Variants in STK3 observed in about 807,000 individuals in gnomAD.
STK3 encodes the protein serine/threonine-protein kinase 3.
STK3 carries 41 observed loss-of-function variants against 58.0 expected under a neutral mutation model. That is an observed-to-expected ratio of 0.71 (90% CI 0.55 to 0.92). The LOEUF (loss-of-function observed/expected upper bound fraction) is 0.92, where lower values mean the gene tolerates loss of function less well. STK3 is among the 40% of genes least tolerant of loss of function. STK3 has a pLI of 0.00. For synonymous variants in STK3, 170 were observed against 191.0 expected, an observed-to-expected ratio of 0.89 and a Z score of 0.91; for missense variants, 479 against 602.7, an observed-to-expected ratio of 0.79 and a Z score of 2.15.
chr8:98,389,096 G>A (rs1388323730), upstream of STK3, among the ~76,000 whole-genome samples: 1 of 152,166 alleles, frequency 6.6e-6, no homozygotes, highest in Non-Finnish European at 1.5e-5. Context: ...CTCAAGCATG[G>A]CTGATTGTCT....
downstream of STK3, chr8:98,879,622 C>T (rs1837719725): frequency 3.3e-5 from 5 of 152,210 alleles, no homozygotes. Context: ...CTATGTCAAT[C>T]CAATCAGCCT....
At chr8:98,530,761 C>T (rs937329075) in intron 9 of STK3, among the ~76,000 whole-genome samples, 2 of 152,246 alleles carry the variant, frequency 1.3e-5, no homozygotes, top group Non-Finnish European at 2.9e-5. Flanking sequence ...AGTCAATCCT[C>T]TCAAACTCTA....
chr8:98,877,229 A>T (rs1048475584), intron 3 of STK3, among the ~76,000 whole-genome samples: 2 of 152,230 alleles, frequency 1.3e-5, no homozygotes, highest in Admixed American at 1.3e-4. Flanking sequence ...TTGATAACAA[A>T]GCAGTATTAG....
At chr8:98,683,056 A>G (rs1211978114) in intron 6 of STK3, among the ~76,000 whole-genome samples, 2 of 152,060 alleles carry the variant, frequency 1.3e-5, no homozygotes, top group African/African-American at 4.8e-5. Context: ...GTCTGTTAAA[A>G]CAGTTTTCAT....
chr8:98,725,581 ATTAAC>A (rs1827741206), intron 4 of STK3, among the ~76,000 whole-genome samples: 1 of 152,198 alleles, frequency 6.6e-6, no homozygotes, highest in Admixed American at 6.6e-5. Flanking sequence ...TTCCTGGAAT[ATTAAC>A]TTATATATAT....
chr8:98,842,849 C>CA (rs967936724), intron 3 of STK3, among the ~76,000 whole-genome samples: 4 of 151,392 alleles, frequency 2.6e-5, no homozygotes, highest in Non-Finnish European at 5.9e-5. Flanking sequence ...GTCAAAAATA[C>CA]AAAAAAAATT....
intron 1 of STK3, among the ~76,000 whole-genome samples, chr8:98,889,064 C>T (rs906979359): frequency 2.6e-5 from 4 of 152,216 alleles, no homozygotes; most frequent in Admixed American, 2.0e-4. Context: ...TAACTTAAAA[C>T]AGAGCGACCC....
Position 98,636,625 on chromosome 8 carries a change from T to C in STK3, c.685-40456A>G, listed in dbSNP as rs184599030. Among the ~76,000 whole-genome samples, 21 of 152,266 alleles carry C rather than the reference T, an allele frequency of 1.4e-4. No homozygotes were observed. In the East Asian group the frequency reaches 3.9e-3, roughly 28 times the overall value. Reference sequence around the variant, plus strand: ...TTATAATAGGAAGATCTAAGCTGTTTATAGTTATTGTACTGGCAGTGTCCT... The same window carrying C: ...TTATAATAGGAAGATCTAAGCTGTTCATAGTTATTGTACTGGCAGTGTCCT... On this transcript the variant is annotated intron_variant, in intron 6 of 10. Coordinates refer to ENST00000419617, the MANE Select transcript of STK3 (RefSeq NM_006281.4).
intron 5 of STK3, 31 bp downstream of exon 5, chr8:98,707,116 A>G (rs759523744): frequency 6.3e-7 from 1 of 1,577,700 alleles, no homozygotes. Context: ...AAATTAGCCA[A>G]GTGTTTAGAA....
intron 8 of STK3, among the ~76,000 whole-genome samples, chr8:98,573,503 C>T (rs969807983): frequency 3.3e-5 from 5 of 152,062 alleles, no homozygotes; most frequent in Non-Finnish European, 2.9e-5. Context: ...CCACCAGGTC[C>T]CTCCCATGAC....
chr8:98,812,774 A>T (rs766403170), intron 1 of STK3, among the ~76,000 whole-genome samples: 8 of 152,200 alleles, frequency 5.3e-5, no homozygotes, highest in Non-Finnish European at 1.2e-4. Flanking sequence ...TTCTGAGCAA[A>T]CTATCACAAG....
chr8:98,598,573 C>T, intron 6 of STK3: 1 of 985,314 alleles, frequency 1.0e-6, no homozygotes, highest in East Asian at 1.1e-4. Flanking sequence ...AATAATGAAC[C>T]ACAGAGGATC....
At chr8:98,732,997 T>C (rs946995650) in intron 4 of STK3, among the ~76,000 whole-genome samples, 1 of 152,090 alleles carries the variant, frequency 6.6e-6, no homozygotes, top group Non-Finnish European at 1.5e-5. Flanking sequence ...GAAAAGTAAA[T>C]CCATTTAGAC....
intron 4 of STK3, among the ~76,000 whole-genome samples, chr8:98,740,439 T>A (rs1281859299): frequency 1.3e-5 from 2 of 152,182 alleles, no homozygotes; most frequent in Admixed American, 6.5e-5. Flanking sequence ...GGGCCAATAT[T>A]CAAGATTATT....
chr8:98,832,283 T>G (rs1835564464), intron 3 of STK3, among the ~76,000 whole-genome samples: 1 of 150,402 alleles, frequency 6.6e-6, no homozygotes, highest in Admixed American at 6.6e-5. Flanking sequence ...GATATCTATA[T>G]ATATATTCAC....
chr8:98,818,538 ATGTGTGTGTGTGTG>A (rs72513007), intron 1 of STK3, among the ~76,000 whole-genome samples: 29 of 145,420 alleles, frequency 2.0e-4, no homozygotes, highest in African/African-American at 6.8e-4. Context: ...TAAATTATAA[ATGTGTGTGTGTGTG>A]TGTGTGTGTG....
At chr8:98,901,763 G>C (rs542590351) in intron 1 of STK3, among the ~76,000 whole-genome samples, 3 of 152,206 alleles carry the variant, frequency 2.0e-5, no homozygotes, top group Admixed American at 6.5e-5. Context: ...TCTGTGTTCC[G>C]TGAGAGCTTC....
Position 98,907,960 on chromosome 8 carries a change from C to A in STK3, c.-78-24126G>T, listed in dbSNP as rs975736208. ...CCCATACCTGGAATTTTGCTGACTG[C>A]ATTCCTGTGGTGTCTTGTATCATGT... On this transcript the variant is annotated intron_variant, in intron 1 of 1. Transcript: ENST00000519420. Among the ~76,000 whole-genome samples, 53 of 152,188 alleles carry A rather than the reference C, an allele frequency of 3.5e-4. 2 individuals carry two copies. Among genetic ancestry groups the A allele is most frequent in the Admixed American group, 3.4e-3 (52 of 15,278 alleles).
intron 3 of STK3, among the ~76,000 whole-genome samples, chr8:98,848,242 C>G (rs1836287305): frequency 6.7e-6 from 1 of 150,068 alleles, no homozygotes; most frequent in Non-Finnish European, 1.5e-5. Context: ...TACTAATCTA[C>G]TTTTTTTTTC....
Sources: gnomAD v4.1 joint callset for allele counts (sites outside exome capture counted in the v4.1 genomes callset) on GRCh38, gnomAD v4.1.1 for gene constraint, MANE v1.5 for transcripts, NCBI Gene and HGNC (gene_info 2026-07-23, HGNC 2026-07-21) for gene names.